The following CREBBP variants were observed in gnomAD, a reference collection of about 807,000 sequenced individuals.
CREBBP encodes CREB-binding protein.
A neutral mutation model predicts 265.0 loss-of-function variants in CREBBP; 19 were observed. That is an observed-to-expected ratio of 0.07 (90% CI 0.05 to 0.11). The LOEUF is 0.11. Among genes scored for constraint, CREBBP ranks in the 10% least tolerant of loss-of-function variants. The pLI, the probability that CREBBP is intolerant of heterozygous loss-of-function variation, is 1.00. For synonymous variants in CREBBP, 1,457 were observed against 1,223.7 expected (o/e 1.19, Z -3.98); for missense variants, 2,525 against 3,219.0 (o/e 0.78, Z 5.22).
intron 23 of CREBBP, chr16:3,743,201 G>A (rs1315502733): frequency 1.3e-5 from 2 of 152,250 alleles, no homozygotes; most frequent in Admixed American, 1.3e-4. Context: ...AGTGGGCAGA[G>A]GCCAGGCATG....
chr16:3,754,990 C>A (rs1376644074), intron 19 of CREBBP, among the ~76,000 whole-genome samples: 1 of 152,206 alleles, frequency 6.6e-6, no homozygotes, highest in Non-Finnish European at 1.5e-5. Context: ...CCTACTCAGT[C>A]AGATACACTG....
At chr16:3,739,807 C>G (rs2052156930) in intron 24 of CREBBP, 83 bp from the exon 25 acceptor site, 1 of 1,594,740 alleles carries the variant, frequency 6.3e-7, no homozygotes, top group South Asian at 1.1e-5. Flanking sequence ...TCCTCTAACT[C>G]TGGCCACTGC....
At chr16:3,817,092 C>T (rs898628463) in intron 2 of CREBBP, among the ~76,000 whole-genome samples, 2 of 152,158 alleles carry the variant, frequency 1.3e-5, no homozygotes, top group Non-Finnish European at 1.5e-5. Context: ...TCGGGCAGAA[C>T]GAGAACAGGC....
chr16:3,831,852 C>T (rs555671421), intron 2 of CREBBP, among the ~76,000 whole-genome samples: 1 of 152,082 alleles, frequency 6.6e-6, no homozygotes, highest in South Asian at 2.1e-4. Flanking sequence ...CGAAACTTAG[C>T]CAGGCATGGT....
chr16:3,850,233 G>C (rs1204846707), intron 2 of CREBBP, 64 bp downstream of exon 2: 1 of 1,543,892 alleles, frequency 6.5e-7, no homozygotes, highest in Non-Finnish European at 9.0e-7. Context: ...CCCATTTTAC[G>C]CATTACTCGG....
At chr16:3,852,620 G>T (rs186891896) in intron 1 of CREBBP, among the ~76,000 whole-genome samples, 5 of 152,086 alleles carry the variant, frequency 3.3e-5, no homozygotes, top group African/African-American at 1.2e-4. Context: ...GAGCCTAAAA[G>T]TATTTGTAGT....
intron 30 of CREBBP, among the ~76,000 whole-genome samples, chr16:3,730,872 G>A (rs1374067790): frequency 2.0e-5 from 3 of 152,196 alleles, no homozygotes; most frequent in Admixed American, 2.0e-4. Context: ...AGTGGCCAGA[G>A]GGGCCCAAGC....
At chr16:3,748,301 A>G (rs1431728998) in intron 21 of CREBBP, among the ~76,000 whole-genome samples, 1 of 152,072 alleles carries the variant, frequency 6.6e-6, no homozygotes, top group Non-Finnish European at 1.5e-5. Flanking sequence ...AAAGGAAAGA[A>G]AAGTAGATAT....
At chr16:3,767,484 G>C in intron 16 of CREBBP, 1 of 600,904 alleles carries the variant, frequency 1.7e-6, no homozygotes, top group South Asian at 2.0e-5. Context: ...TCTGCAGCCT[G>C]GGTGCCCTCG....
intron 26 of CREBBP, chr16:3,737,022 T>C (rs2052078694): frequency 4.6e-6 from 3 of 645,964 alleles, no homozygotes; most frequent in Non-Finnish European, 8.2e-6. Context: ...CCTGCAACAC[T>C]TCTCCCTTGG....
At chr16:3,806,179 C>T (rs912767781) in intron 3 of CREBBP, among the ~76,000 whole-genome samples, 1 of 152,142 alleles carries the variant, frequency 6.6e-6, no homozygotes, top group Non-Finnish European at 1.5e-5. Context: ...TCAGGTGCTA[C>T]CAGTGTCACT....
rs2151311815 is a variant in CREBBP, at chr16:3,729,741, C to T, written c.5306G>A (p.Arg1769Gln). Residue 1769 changes from arginine (R) to glutamine (Q), a missense_variant, in exon 31 of 31, where the codon CGG becomes CAG. This residue lies in a region of CREBBP where 62 missense variants were observed against 156.2 expected (regional missense o/e 0.40). Coordinates refer to ENST00000262367, the MANE Select transcript of CREBBP (RefSeq NM_004380.3). ...CTGGATGCAGCGCTGGATGCTCAGC[C>T]GGCGTGACTCCTGGGGGCTCTTTGA... ...PQSKSPQESR[R>Q]LSIQRCIQSL... 1 of 1,608,666 alleles carries T rather than the reference C, an allele frequency of 6.2e-7. No individual in the cohort carries two copies. Among genetic ancestry groups the T allele is most frequent in the Non-Finnish European group, 8.5e-7 (1 of 1,179,016 alleles).
intron 2 of CREBBP, among the ~76,000 whole-genome samples, chr16:3,843,867 G>A (rs938662988): frequency 1.3e-5 from 2 of 151,866 alleles, no homozygotes; most frequent in African/African-American, 2.4e-5. Context: ...AAAGACTTTC[G>A]GCCGGGCGCG....
At chr16:3,795,565 C>G (rs1463493002) in intron 3 of CREBBP, among the ~76,000 whole-genome samples, 3 of 152,148 alleles carry the variant, frequency 2.0e-5, no homozygotes, top group East Asian at 3.8e-4. Flanking sequence ...TAACTTTATA[C>G]TCATTTAACT....
chr16:3,825,433 T>C (rs909751341), intron 2 of CREBBP, among the ~76,000 whole-genome samples: 2 of 152,166 alleles, frequency 1.3e-5, no homozygotes, highest in African/African-American at 2.4e-5. Context: ...CAGATGTATA[T>C]CTATGGAAGT....
chr16:3,862,636 G>C (rs780599759), intron 1 of CREBBP, among the ~76,000 whole-genome samples: 1 of 152,066 alleles, frequency 6.6e-6, no homozygotes, highest in African/African-American at 2.4e-5. Context: ...CTTCATATAC[G>C]ACATTCTAGT....
intron 2 of CREBBP, among the ~76,000 whole-genome samples, chr16:3,838,131 G>A (rs549277093): frequency 6.6e-6 from 1 of 152,236 alleles, no homozygotes; most frequent in African/African-American, 2.4e-5. Flanking sequence ...TGAGTGTCTG[G>A]TCAGGTGTAC....
At chr16:3,847,795 A>G (rs1255836447) in intron 2 of CREBBP, among the ~76,000 whole-genome samples, 1 of 152,234 alleles carries the variant, frequency 6.6e-6, no homozygotes, top group East Asian at 1.9e-4. Context: ...AATTGTAAGG[A>G]TCCCACAGAC....
intron 23 of CREBBP, chr16:3,740,955 T>C (rs1268451624): frequency 4.8e-5 from 17 of 352,318 alleles, no homozygotes; most frequent in South Asian, 3.6e-4. Context: ...GAGGAGAAAG[T>C]CCCTACTATG....
Sources: gnomAD v4.1 joint callset for allele counts (sites outside exome capture counted in the v4.1 genomes callset) on GRCh38, gnomAD v4.1.1 for gene constraint, gnomAD v4.1.1 regional missense constraint, MANE v1.5 for transcripts, NCBI Gene and HGNC (gene_info 2026-07-23, HGNC 2026-07-21) for gene names.